Variants in DGKB observed in about 807,000 individuals in gnomAD.
DGKB encodes 90 kDa diacylglycerol kinase.
Under a neutral mutation model 114.3 loss-of-function variants are expected in DGKB, and 67 were observed. That is an observed-to-expected ratio of 0.59 (90% CI 0.48 to 0.72). DGKB has a LOEUF of 0.72. Ranked by LOEUF, DGKB falls within the 30% of genes least tolerant of loss-of-function variation. The probability of loss-of-function intolerance (pLI) is 0.00; values close to 1 mark genes in which losing one functional copy is unlikely to be tolerated. For missense variants in DGKB, 907 were observed against 975.2 expected (o/e 0.93, Z 0.93); for synonymous variants, 398 against 323.1 (o/e 1.23, Z -2.49).
intron 23 of DGKB, among the ~76,000 whole-genome samples, chr7:14,238,856 A>T (rs12699584): frequency 1.3e-5 from 2 of 151,758 alleles, no homozygotes; most frequent in African/African-American, 4.8e-5. Context: ...GGATGTTAGC[A>T]TGCTTTATAT....
intron 20 of DGKB, among the ~76,000 whole-genome samples, chr7:14,544,997 T>TAA (rs1322793902): frequency 1.3e-5 from 2 of 151,876 alleles, no homozygotes; most frequent in African/African-American, 4.8e-5. Context: ...TTTTTTTTTT[T>TAA]AAAAAACAGA....
At chr7:14,890,872 G>GA (rs71548099) in intron 1 of DGKB, among the ~76,000 whole-genome samples, 19,285 of 143,046 alleles carry the variant, frequency 0.13, 1,469 homozygotes, top group Non-Finnish European at 0.19. Flanking sequence ...TGCCACAAAT[G>GA]AAAAAAAAAA....
chr7:14,484,180 G>C (rs1006560975), intron 20 of DGKB, among the ~76,000 whole-genome samples: 1 of 152,034 alleles, frequency 6.6e-6, no homozygotes, highest in Non-Finnish European at 1.5e-5. Flanking sequence ...AAAGGCATAA[G>C]AGCACATTAG....
intron 1 of DGKB, among the ~76,000 whole-genome samples, chr7:14,908,806 C>CAT (rs1783840763): frequency 6.6e-6 from 1 of 152,076 alleles, no homozygotes; most frequent in South Asian, 2.1e-4. Context: ...CATCAAAATG[C>CAT]ATATACATAT....
At chr7:14,250,501 C>T (rs557058237) in intron 23 of DGKB, among the ~76,000 whole-genome samples, 5 of 152,182 alleles carry the variant, frequency 3.3e-5, no homozygotes, top group East Asian at 1.9e-4. Flanking sequence ...CATGCCATTT[C>T]GGTCAGAAAA....
intron 2 of DGKB, among the ~76,000 whole-genome samples, chr7:14,833,174 T>C (rs1000750367): frequency 1.3e-5 from 2 of 152,108 alleles, no homozygotes; most frequent in African/African-American, 2.4e-5. Context: ...TTAACCTTCA[T>C]GGAACCCCAC....
rs925687783 is a variant in DGKB, at chr7:14,621,166, T to C, written c.1284+212A>G. The stretch of plus-strand genomic sequence containing the variant: ...TTGCCAATTTGAGTTTAAATGGAGA[T>C]AAAATCATAAATGATTAATTTAACC... On this transcript the variant is annotated intron_variant, in intron 15 of 25. Coordinates refer to ENST00000402815, the MANE Select transcript of DGKB (RefSeq NM_001350709.2). 5 of 442,278 alleles carry C rather than the reference T, an allele frequency of 1.1e-5. No individual in the cohort carries two copies. The Admixed American group carries it at 2.1e-4, about 18-fold the overall frequency. The allele number at this position is 442,278 out of a possible 1,614,324, so 27.4% of individuals were successfully genotyped here.
chr7:14,538,402 C>T (rs1390905826), intron 20 of DGKB, among the ~76,000 whole-genome samples: 1 of 152,088 alleles, frequency 6.6e-6, no homozygotes, highest in Non-Finnish European at 1.5e-5. Context: ...TATTGCTAAC[C>T]CTCAAGGAAA....
At chr7:14,760,916 G>A (rs1835591280) in intron 2 of DGKB, among the ~76,000 whole-genome samples, 1 of 152,124 alleles carries the variant, frequency 6.6e-6, no homozygotes, top group South Asian at 2.1e-4. Context: ...AATATTCTTA[G>A]TAGAGAAATC....
upstream of DGKB, among the ~76,000 whole-genome samples, chr7:14,905,899 G>A (rs909117925): frequency 1.3e-5 from 2 of 152,174 alleles, no homozygotes; most frequent in African/African-American, 4.8e-5. Flanking sequence ...AAGGGTGTTT[G>A]AATTCTTTTC....
At chr7:14,662,436 A>T (rs917291657) in intron 13 of DGKB, among the ~76,000 whole-genome samples, 1 of 151,932 alleles carries the variant, frequency 6.6e-6, no homozygotes, top group Admixed American at 6.6e-5. Flanking sequence ...ATAAAAGCGG[A>T]CTCATTTGTA....
intron 20 of DGKB, among the ~76,000 whole-genome samples, chr7:14,524,529 G>C (rs1026330883): frequency 6.6e-6 from 1 of 152,190 alleles, no homozygotes; most frequent in Non-Finnish European, 1.5e-5. Context: ...GCCAAGGCGG[G>C]TGGAGCACCT....
At chr7:14,195,847 T>A (rs571966950) in intron 23 of DGKB, among the ~76,000 whole-genome samples, 1 of 152,316 alleles carries the variant, frequency 6.6e-6, no homozygotes, top group South Asian at 2.1e-4. Context: ...TTTACCCTGG[T>A]TGCATGTAAG....
intron 23 of DGKB, among the ~76,000 whole-genome samples, chr7:14,259,391 CTCTCTCTCTCTCTCTCTATATA>C (rs1796409867): frequency 1.1e-5 from 1 of 94,808 alleles, no homozygotes; most frequent in Non-Finnish European, 2.4e-5. Context: ...CTCTCTCTCT[CTCTCTCTCTCTCTCTCTATATA>C]TATATATATA....
chr7:14,212,565 T>C (rs534112665), intron 23 of DGKB, among the ~76,000 whole-genome samples: 41 of 152,194 alleles, frequency 2.7e-4, no homozygotes, highest in African/African-American at 9.6e-4. Context: ...CTCTTCACTA[T>C]ACTTTTTCCT....
chr7:14,815,016 T>C (rs1434463407), intron 2 of DGKB: 1 of 152,244 alleles, frequency 6.6e-6, no homozygotes, highest in Non-Finnish European at 1.5e-5. Context: ...CCTTTTCCTG[T>C]CATTCTACAT....
chr7:14,252,040 C>T (rs1795322378), intron 23 of DGKB, among the ~76,000 whole-genome samples: 1 of 152,160 alleles, frequency 6.6e-6, no homozygotes, highest in Non-Finnish European at 1.5e-5. Flanking sequence ...ATTTTCCTCT[C>T]CAGGTTGGGA....
At chr7:14,804,071 GT>G (rs1842508369) in intron 2 of DGKB, among the ~76,000 whole-genome samples, 1 of 51,152 alleles carries the variant, frequency 2.0e-5, no homozygotes. Context: ...CACTTTTTGG[GT>G]GTGTGTGTGT....
At chr7:14,705,742 A>G (rs1826097932) in intron 6 of DGKB, among the ~76,000 whole-genome samples, 1 of 151,652 alleles carries the variant, frequency 6.6e-6, no homozygotes. Flanking sequence ...GAGAAATAAA[A>G]TACTTTACAG....
Sources: allele counts gnomAD v4.1 joint callset (sites outside exome capture counted in the v4.1 genomes callset), GRCh38; gene constraint gnomAD v4.1.1; transcripts MANE v1.5; gene names NCBI Gene and HGNC (gene_info 2026-07-23, HGNC 2026-07-21).